DNAJC25: variants seen among roughly 807,000 people sequenced by gnomAD.
DNAJC25 encodes dnaJ homolog subfamily C member 25.
Under a neutral mutation model 42.1 loss-of-function variants are expected in DNAJC25, and 26 were observed. That is an observed-to-expected ratio of 0.62 (90% CI 0.45 to 0.86). DNAJC25 has a LOEUF of 0.86. Among genes scored for constraint, DNAJC25 ranks in the 40% least tolerant of loss-of-function variants. The pLI, the probability that DNAJC25 is intolerant of heterozygous loss-of-function variation, is 0.00. For missense variants in DNAJC25, 404 were observed against 459.4 expected (o/e 0.88, Z 1.10); for synonymous variants, 189 against 179.9 (o/e 1.05, Z -0.40).
At chr9:111,644,545 C>T (rs73656282) in intron 1 of DNAJC25, among the ~76,000 whole-genome samples, 63 of 152,276 alleles carry the variant, frequency 4.1e-4, no homozygotes, top group South Asian at 8.3e-4. Flanking sequence ...CAGATTTCAA[C>T]GACACTCCAA....
At chr9:111,641,586 G>A (rs867036133) in intron 1 of DNAJC25, among the ~76,000 whole-genome samples, 1,778 of 87,684 alleles carry the variant, frequency 0.02, 3 homozygotes, top group African/African-American at 0.046. Context: ...TGGGGGGGTC[G>A]GCCCCCCGCC....
chr9:111,646,435 T>C lies in DNAJC25; in HGVS notation c.337-672T>C, dbSNP rs1830568879. On this transcript the variant is annotated intron_variant, in intron 1 of 3. Transcript: ENST00000313525. ...ATGTTACCTCATTTGTGACCTGGGC[T>C]GGACAACATATTATAGTGATGAAGT... Among the ~76,000 whole-genome samples, 4 of 152,368 alleles carry C rather than the reference T, an allele frequency of 2.6e-5. No homozygotes were observed. The South Asian group carries it at 8.3e-4, about 32-fold the overall frequency.
intron 1 of DNAJC25, among the ~76,000 whole-genome samples, chr9:111,641,246 C>T (rs1277270165): frequency 3.7e-3 from 437 of 116,936 alleles, no homozygotes; most frequent in East Asian, 6.1e-3. Flanking sequence ...GCCCTCCCCC[C>T]GGCCAGCCGC....
At chr9:111,648,745 T>C (rs536000325) in intron 2 of DNAJC25, among the ~76,000 whole-genome samples, 56 of 152,362 alleles carry the variant, frequency 3.7e-4, no homozygotes, top group Admixed American at 1.5e-3. Flanking sequence ...CTTAATAGAT[T>C]GCTACTATTG....
Position 111,653,294 on chromosome 9 carries a change from G to GT in DNAJC25, c.*73dup. ...TTCATAACTGAATTATTTTAGAAAT[G>GT]TATCAATTGACTGCTGCTCAGCAGT... On this transcript the variant is annotated 3_prime_UTR_variant, in exon 4 of 4. Coordinates refer to ENST00000313525, the MANE Select transcript of DNAJC25 (RefSeq NM_001015882.3). 1 of 1,390,832 alleles carries GT rather than the reference G, an allele frequency of 7.2e-7. No individual in the cohort carries two copies. The highest frequency in any genetic ancestry group is 9.4e-7 in the Non-Finnish European group (1 of 1,061,040). 86.2% of individuals were successfully genotyped at this position (1,390,832 alleles called of 1,614,324 possible).
intron 1 of DNAJC25, among the ~76,000 whole-genome samples, chr9:111,634,709 C>T (rs1424591667): frequency 1.4e-5 from 2 of 143,992 alleles, no homozygotes; most frequent in African/African-American, 2.6e-5. Flanking sequence ...AAATAAATGC[C>T]CTTTTGAGGG....
intron 1 of DNAJC25, among the ~76,000 whole-genome samples, chr9:111,639,945 CGTCTCCGTCTCCGTCTCCCCATG>C (rs1830423806): frequency 2.0e-5 from 3 of 148,860 alleles, no homozygotes; most frequent in African/African-American, 7.5e-5. Flanking sequence ...TCTCCGTCTC[CGTCTCCGTCTCCGTCTCCCCATG>C]GTCTCCCTCT....
intron 1 of DNAJC25, among the ~76,000 whole-genome samples, chr9:111,643,612 A>G (rs1247038877): frequency 3.3e-5 from 5 of 152,148 alleles, no homozygotes; most frequent in African/African-American, 7.2e-5. Context: ...AATGTTTGCT[A>G]TGGGTAAAAG....
intron 1 of DNAJC25, among the ~76,000 whole-genome samples, chr9:111,634,432 C>G (rs1830334260): frequency 6.6e-6 from 1 of 152,162 alleles, no homozygotes; most frequent in Non-Finnish European, 1.5e-5. Flanking sequence ...TGCACATTAT[C>G]CGTTGAGGCA....
chr9:111,639,734 T>A (rs1433931830), intron 1 of DNAJC25, among the ~76,000 whole-genome samples: 1 of 149,592 alleles, frequency 6.7e-6, no homozygotes, highest in Non-Finnish European at 1.5e-5. Flanking sequence ...TAAAAAAAAA[T>A]AGTAAGATTA....
chr9:111,639,752 T>C (rs1038189412), intron 1 of DNAJC25, among the ~76,000 whole-genome samples: 2 of 151,738 alleles, frequency 1.3e-5, no homozygotes, highest in Non-Finnish European at 2.9e-5. Flanking sequence ...TTAATATATA[T>C]TGAGTGAATA....
rs565278933 is a variant in DNAJC25 at position 111,647,015 on chromosome 9, A to G, written c.337-92A>G. 9.7e-6 allele frequency: 13 copies of G among 1,341,146 alleles called. No individual in the cohort carries two copies. In the African/African-American group the frequency reaches 1.9e-4, roughly 20 times the overall value. The allele number at this position is 1,341,146 out of a possible 1,614,324, so 83.1% of individuals were successfully genotyped here. A position where few individuals can be genotyped will look rare whatever the true frequency, so the allele number is the denominator to read the frequency against. ...ATTTTTACTCAGATTAACCTTACATAATTATAAAATTCTATATGTGATTTA... is the reference window on the plus strand; with the variant it reads ...ATTTTTACTCAGATTAACCTTACATGATTATAAAATTCTATATGTGATTTA... On this transcript the variant is annotated intron_variant, in intron 1 of 3. Coordinates refer to ENST00000313525, the MANE Select transcript of DNAJC25 (RefSeq NM_001015882.3).
Position 111,631,560 on chromosome 9 carries a change from C to G in DNAJC25, c.153C>G (p.Tyr51Ter), listed in dbSNP as rs1307196837. ...EGLYCGTRDC[Y>*]EVLGVSRSAG... ...TCTACTGCGGCACGCGGGACTGCTA[C>G]GAGGTGCTGGGCGTGAGCCGCTCGG... Residue 51 changes from tyrosine to a stop codon, truncating the protein, a stop_gained, in exon 1 of 4, where the codon TAC (tyrosine) becomes TAG (stop). Transcript: ENST00000313525. LOFTEE classifies it high-confidence loss of function. The G allele has an allele frequency of 2.1e-6, 3 of 1,425,486 alleles. No individual in the cohort carries two copies. Among genetic ancestry groups the G allele is most frequent in the Non-Finnish European group, 2.7e-6 (3 of 1,100,004 alleles). The allele number at this position is 1,425,486 out of a possible 1,614,324, so 88.3% of individuals were successfully genotyped here.
chr9:111,640,869 C>T (rs1830445379), intron 1 of DNAJC25, among the ~76,000 whole-genome samples: 1 of 117,908 alleles, frequency 8.5e-6, no homozygotes, highest in Non-Finnish European at 1.7e-5. Context: ...CCAGCCGCCC[C>T]ATCCGGGAGG....
chr9:111,649,776 C>T lies in DNAJC25; in HGVS notation c.813C>T (p.Asn271=), dbSNP rs1339445068. Residue 271 remains asparagine, a synonymous_variant, in exon 3 of 4, where the codon AAC becomes AAT. Transcript: ENST00000313525. ...ATTGTCGGTGGATCTATAATTTTAA[C>T]ATCAAAGGCAAAGAATATGGAGAGG... ...VWYCRWIYNF[N]IKGKEYGEEE... 6.2e-7 allele frequency: 1 copy of T among 1,613,978 alleles called. No individual in the cohort carries two copies. Among genetic ancestry groups the T allele is most frequent in the South Asian group, 1.1e-5 (1 of 91,060 alleles).
At chr9:111,649,948 T>C in intron 3 of DNAJC25, 25 bp downstream of exon 3, 1 of 1,526,112 alleles carries the variant, frequency 6.6e-7, no homozygotes, top group Non-Finnish European at 8.7e-7. Flanking sequence ...TGCTGTGATT[T>C]AAGTGTCATC....
rs753988071 is a variant in DNAJC25, at chr9:111,653,392, A to G, written c.*170A>G. The G allele has an allele frequency of 2.0e-5, 13 of 648,860 alleles. No homozygotes were observed. Among genetic ancestry groups the G allele is most frequent in the Non-Finnish European group, 2.6e-5 (12 of 455,742 alleles). 40.2% of individuals were successfully genotyped at this position (648,860 alleles called of 1,614,324 possible). On this transcript the variant is annotated 3_prime_UTR_variant, in exon 4 of 4. Coordinates refer to ENST00000313525, the MANE Select transcript of DNAJC25 (RefSeq NM_001015882.3). ...TAAACCTTCCCTTAAAACTTTATAC[A>G]TAAGACATTTATGATTGTTCAATTT...
At chr9:111,653,053 A>G (rs1326262114) in intron 3 of DNAJC25, 47 bp from the exon 4 acceptor site, 9 of 1,488,236 alleles carry the variant, frequency 6.0e-6, no homozygotes, top group Non-Finnish European at 8.1e-6. Flanking sequence ...CTAATGGCAA[A>G]TGTTCCTCTT....
rs73537384 is a variant in DNAJC25, at chr9:111,638,630, C to G, written c.336+6887C>G. Among the ~76,000 whole-genome samples, 552 of 152,048 alleles carry G rather than the reference C, an allele frequency of 3.6e-3. 6 individuals carry two copies. The highest frequency in any genetic ancestry group is 0.012 in the African/African-American group (513 of 41,494). On this transcript the variant is annotated intron_variant, in intron 1 of 3. Coordinates refer to ENST00000313525, the MANE Select transcript of DNAJC25 (RefSeq NM_001015882.3). The stretch of plus-strand genomic sequence containing the variant: ...GAGTAACATTGTCTACGTAGTAACT[C>G]TAATTAAAAACTTTGGTATCATGTT...
Sources: gnomAD v4.1 joint callset for allele counts (sites outside exome capture counted in the v4.1 genomes callset) on GRCh38, gnomAD v4.1.1 for gene constraint, MANE v1.5 for transcripts, NCBI Gene and HGNC (gene_info 2026-07-23, HGNC 2026-07-21) for gene names.